Variants in KLHL1 observed in about 807,000 individuals in gnomAD.
KLHL1 encodes the protein kelch-like protein 1.
A neutral mutation model predicts 77.7 loss-of-function variants in KLHL1; 47 were observed. That is an observed-to-expected ratio of 0.60 (90% CI 0.48 to 0.77). The LOEUF is 0.77. Among genes scored for constraint, KLHL1 ranks in the 30% least tolerant of loss-of-function variants. KLHL1 has a pLI of 0.00. For synonymous variants in KLHL1, 360 were observed against 325.2 expected (o/e 1.11, Z -1.15); for missense variants, 925 against 910.8 (o/e 1.02, Z -0.20).
At chr13:70,084,622 C>CTTTTTTTTTGTTTTTTTTTT (rs1887482068) in intron 1 of KLHL1, among the ~76,000 whole-genome samples, 1 of 14,956 alleles carries the variant, frequency 6.7e-5, no homozygotes, top group Non-Finnish European at 1.0e-4. Context: ...CCACGCCAGG[C>CTTTTTTTTTGTTTTTTTTTT]TTTTTTTTTT....
chr13:69,975,172 T>C (rs1884507502), intron 2 of KLHL1, among the ~76,000 whole-genome samples: 1 of 152,018 alleles, frequency 6.6e-6, no homozygotes, highest in Admixed American at 6.6e-5. Context: ...CAATATGAAA[T>C]ACCTTAATTT....
intron 7 of KLHL1, among the ~76,000 whole-genome samples, chr13:69,754,455 T>C (rs1023784427): frequency 5.9e-5 from 9 of 152,150 alleles, no homozygotes; most frequent in African/African-American, 2.2e-4. Context: ...CATTTGAAGC[T>C]CAATAAATTT....
At chr13:69,951,370 G>A (rs1421454062) in intron 3 of KLHL1, among the ~76,000 whole-genome samples, 1 of 151,408 alleles carries the variant, frequency 6.6e-6, no homozygotes, top group African/African-American at 2.4e-5. Context: ...ATAGAAAGTG[G>A]TAAGTATAAA....
At position 70,107,440 on chromosome 13, in the gene KLHL1, G is replaced by A; in HGVS notation, c.260C>T (p.Ser87Phe). ...SSSSSPSSSS[S>F]SFNPLNGTLL... The stretch of plus-strand genomic sequence containing the variant: ...GGTGCCATTCAGCGGATTGAAGGAA[G>A]AGGAGGAAGAGGACGGGGAGGACGA... Residue 87 changes from serine (S) to phenylalanine (F), a missense_variant, in exon 1 of 11, where the codon TCT becomes TTT. By Grantham distance (155) the Ser-to-Phe change is radical (BLOSUM62 -2). Coordinates refer to ENST00000377844, the MANE Select transcript of KLHL1 (RefSeq NM_020866.3). The A allele has an allele frequency of 1.9e-6, 3 of 1,614,178 alleles. No individual in the cohort carries two copies. The highest frequency in any genetic ancestry group is 2.5e-6 in the Non-Finnish European group (3 of 1,180,022).
At chr13:70,079,511 CTAAAAA>C (rs2056929252) in intron 1 of KLHL1, among the ~76,000 whole-genome samples, 1 of 152,132 alleles carries the variant, frequency 6.6e-6, no homozygotes, top group Non-Finnish European at 1.5e-5. Flanking sequence ...AATATCCCAT[CTAAAAA>C]TAAATAGCGG....
At position 70,016,819 on chromosome 13, in the gene KLHL1, A is replaced by G. The variant is rs373054069; in HGVS notation, c.498-41017T>C. On this transcript the variant is annotated intron_variant, in intron 1 of 10. Coordinates refer to ENST00000377844, the MANE Select transcript of KLHL1 (RefSeq NM_020866.3). The stretch of plus-strand genomic sequence containing the variant: ...GTTCTGGGTAGAGTCTGGGGCCTGG[A>G]GTGAGAACTTATGGTGGTTTTTCCA... Among the ~76,000 whole-genome samples the G allele has an allele frequency of 2.0e-5, 3 of 152,072 alleles. No homozygotes were observed. In the East Asian group the frequency reaches 5.8e-4, roughly 30 times the overall value.
intron 2 of KLHL1, among the ~76,000 whole-genome samples, chr13:69,974,183 T>G (rs1367387366): frequency 1.3e-5 from 2 of 151,806 alleles, no homozygotes; most frequent in African/African-American, 2.4e-5. Flanking sequence ...GCCGTAATGA[T>G]TTTTAAAAAC....
chr13:69,947,338 G>T (rs1172486967), intron 3 of KLHL1, among the ~76,000 whole-genome samples: 2 of 151,842 alleles, frequency 1.3e-5, no homozygotes, highest in Non-Finnish European at 1.5e-5. Flanking sequence ...TATTGGAAAA[G>T]TATATTACTA....
At chr13:69,781,720 T>A (rs983755185) in intron 7 of KLHL1, among the ~76,000 whole-genome samples, 6 of 152,190 alleles carry the variant, frequency 3.9e-5, no homozygotes, top group African/African-American at 1.2e-4. Flanking sequence ...TTTTTGTCAC[T>A]CATTGTTTTT....
intron 8 of KLHL1, among the ~76,000 whole-genome samples, chr13:69,723,655 C>CT: frequency 6.6e-6 from 1 of 152,112 alleles, no homozygotes; most frequent in Non-Finnish European, 1.5e-5. Context: ...CTCATTAAAC[C>CT]CCTCCAGCAT....
intron 4 of KLHL1, among the ~76,000 whole-genome samples, chr13:69,912,923 C>G (rs1593942753): frequency 1.3e-5 from 2 of 152,218 alleles, no homozygotes; most frequent in East Asian, 3.9e-4. Flanking sequence ...GGGACAAGGT[C>G]AGGTGCTGGT....
chr13:69,986,231 A>G (rs1268531911), intron 1 of KLHL1, among the ~76,000 whole-genome samples: 1 of 151,972 alleles, frequency 6.6e-6, no homozygotes, highest in African/African-American at 2.4e-5. Flanking sequence ...ACAAAGTTAA[A>G]GTCAGGAGGA....
intron 3 of KLHL1, among the ~76,000 whole-genome samples, chr13:69,944,483 G>A (rs570028544): frequency 7.2e-5 from 11 of 152,266 alleles, no homozygotes; most frequent in Admixed American, 2.0e-4. Flanking sequence ...TACATGCTGA[G>A]TCTTGTGAAG....
chr13:69,959,806 G>A (rs1245236233), intron 3 of KLHL1, among the ~76,000 whole-genome samples: 1 of 151,784 alleles, frequency 6.6e-6, no homozygotes, highest in African/African-American at 2.4e-5. Flanking sequence ...CTATCCTCTC[G>A]CAAAGATGAG....
chr13:69,717,734 TA>T (rs1217777117), intron 9 of KLHL1, among the ~76,000 whole-genome samples: 1 of 146,728 alleles, frequency 6.8e-6, no homozygotes, highest in Non-Finnish European at 1.5e-5. Context: ...AGAGAAAATG[TA>T]AATGAGTCAG....
chr13:69,767,415 A>G (rs1875360104), intron 7 of KLHL1, among the ~76,000 whole-genome samples: 1 of 152,132 alleles, frequency 6.6e-6, no homozygotes, highest in Non-Finnish European at 1.5e-5. Context: ...AATATCAGTT[A>G]TCCAGGCATG....
chr13:69,966,800 T>G (rs769649303), intron 2 of KLHL1, among the ~76,000 whole-genome samples: 1 of 152,124 alleles, frequency 6.6e-6, no homozygotes, highest in Non-Finnish European at 1.5e-5. Flanking sequence ...TATCTATTAT[T>G]CAACTCTCTA....
chr13:70,029,043 G>T (rs1327851604), intron 1 of KLHL1, among the ~76,000 whole-genome samples: 2 of 151,888 alleles, frequency 1.3e-5, no homozygotes, highest in Non-Finnish European at 1.5e-5. Flanking sequence ...CAAAAGCAAG[G>T]ATTGCTATGA....
intron 1 of KLHL1, among the ~76,000 whole-genome samples, chr13:70,075,569 G>GTATATGTATATATATATATATA (rs1887243052): frequency 9.4e-6 from 1 of 106,676 alleles, no homozygotes; most frequent in Non-Finnish European, 1.9e-5. Context: ...GTGTGTATGT[G>GTATATGTATATATATATATATA]TATATATATA....
Sources: allele counts gnomAD v4.1 joint callset (sites outside exome capture counted in the v4.1 genomes callset), GRCh38; gene constraint gnomAD v4.1.1; transcripts MANE v1.5; gene names NCBI Gene and HGNC (gene_info 2026-07-23, HGNC 2026-07-21).